MIS18A: variants seen among roughly 807,000 people sequenced by gnomAD.
The protein encoded by MIS18A is protein Mis18-alpha.
A neutral mutation model predicts 25.0 loss-of-function variants in MIS18A; 14 were observed. The ratio of observed to expected loss-of-function variants is 0.56; its 90% CI spans 0.37 to 0.88. The LOEUF (loss-of-function observed/expected upper bound fraction) is 0.88. Ranked by LOEUF, MIS18A falls within the 40% of genes least tolerant of loss-of-function variation. MIS18A has a pLI of 0.00. For missense variants in MIS18A, 292 were observed against 290.8 expected (o/e 1.00, Z -0.03); for synonymous variants, 134 against 118.6 (o/e 1.13, Z -0.84).
chr21:32,198,922 G>A, the MIS18A span, among the ~76,000 whole-genome samples: 5 of 149,878 alleles, frequency 3.3e-5, no homozygotes, highest in Non-Finnish European at 4.5e-5. Context: ...AAAAAAAAAA[G>A]AAAGAAAGAA....
rs759191645 is a variant in MIS18A at position 32,278,992 on chromosome 21, C to T, written c.23G>A (p.Arg8Lys). 19 of 1,603,008 alleles carry T rather than the reference C, an allele frequency of 1.2e-5. No homozygotes were observed. Among genetic ancestry groups the T allele is most frequent in the Non-Finnish European group, 1.5e-5 (18 of 1,174,796 alleles). ...GCCGCCAGCGCATCCTCTGCTACAC[C>T]TCAGTGACCGAACGCCTGCCATTAC... MAGVRSL[R>K]CSRGCAGGCE... is the part of the protein sequence containing the mutation. The change falls in exon 1 of 5, where the codon AGG (arginine) becomes AAG (lysine). Residue 8 changes from arginine (R) to lysine (K), a missense_variant. Transcript: ENST00000290130.
At chr21:32,270,795 A>G (rs765874311) in intron 2 of MIS18A, among the ~76,000 whole-genome samples, 2 of 152,226 alleles carry the variant, frequency 1.3e-5, no homozygotes, top group African/African-American at 2.4e-5. Context: ...TCTAGAATAT[A>G]AATTCCTCCA....
intron 2 of MIS18A, among the ~76,000 whole-genome samples, chr21:32,271,184 C>A (rs143411771): frequency 3.7e-4 from 57 of 152,278 alleles, no homozygotes; most frequent in Non-Finnish European, 5.9e-5. Flanking sequence ...GTCTCCCAAA[C>A]GCCTTGTTGA....
the MIS18A span, among the ~76,000 whole-genome samples, chr21:32,219,068 A>T: frequency 1.9e-5 from 2 of 107,004 alleles, no homozygotes; most frequent in African/African-American, 1.1e-4. Flanking sequence ...ACTCTGTCTC[A>T]AAAAAAAAAA....
chr21:32,206,054 C>T, the MIS18A span, among the ~76,000 whole-genome samples: 2 of 152,176 alleles, frequency 1.3e-5, no homozygotes, highest in East Asian at 1.9e-4. Context: ...GTGGTCCCCC[C>T]ATCCACTGTA....
chr21:32,252,875 G>A, the MIS18A span, among the ~76,000 whole-genome samples: 81 of 152,262 alleles, frequency 5.3e-4, no homozygotes, highest in Non-Finnish European at 9.9e-4. Flanking sequence ...TTTCTGCATC[G>A]TTGGCAGACA....
chr21:32,262,590 C>A, the MIS18A span, among the ~76,000 whole-genome samples: 1 of 150,130 alleles, frequency 6.7e-6, no homozygotes, highest in South Asian at 2.1e-4. Context: ...GGTCTCACTT[C>A]CCCCCTTTCA....
At chr21:32,245,061 T>C in the MIS18A span, among the ~76,000 whole-genome samples, 1 of 152,194 alleles carries the variant, frequency 6.6e-6, no homozygotes, top group Non-Finnish European at 1.5e-5. Flanking sequence ...AATTGTTAGT[T>C]CCATAATGCA....
intron 1 of MIS18A, 95 bp from the exon 2 acceptor site, chr21:32,274,991 A>G (rs371834802): frequency 1.3e-5 from 13 of 1,037,352 alleles, no homozygotes; most frequent in Middle Eastern, 2.2e-4. Flanking sequence ...TAGAACTCGG[A>G]GGACAAAAAA....
the MIS18A span, among the ~76,000 whole-genome samples, chr21:32,168,822 G>A: frequency 6.6e-6 from 1 of 152,062 alleles, no homozygotes; most frequent in Non-Finnish European, 1.5e-5. Flanking sequence ...AGGAAAATAA[G>A]AAATAAGCAG....
At chr21:32,263,891 T>C (rs923765440), downstream of MIS18A, among the ~76,000 whole-genome samples, 1 of 151,812 alleles carries the variant, frequency 6.6e-6, no homozygotes, top group Non-Finnish European at 1.5e-5. Flanking sequence ...ACCAACAGTT[T>C]AATGACCAGC....
chr21:32,267,477 AT>A (rs374542833), downstream of MIS18A, among the ~76,000 whole-genome samples: 7 of 152,358 alleles, frequency 4.6e-5, no homozygotes, highest in South Asian at 1.0e-3. Context: ...GTACCAAGAT[AT>A]TAGAAATTAC....
chr21:32,184,727 C>A, the MIS18A span, among the ~76,000 whole-genome samples: 1 of 152,164 alleles, frequency 6.6e-6, no homozygotes. Context: ...TCCCCGCCCA[C>A]TACAGGTTGG....
rs1348088788 is a variant in MIS18A at position 32,268,689 on chromosome 21, G to C, written c.*348C>G. 1 of 167,092 alleles carries C rather than the reference G, an allele frequency of 6.0e-6. No homozygotes were observed. The highest frequency in any genetic ancestry group is 1.3e-5 in the Non-Finnish European group (1 of 78,226). The allele number at this position is 167,092 out of a possible 1,614,324, so 10.4% of individuals were successfully genotyped here. A position where few individuals can be genotyped will look rare whatever the true frequency, so the allele number is the denominator to read the frequency against. On this transcript the variant is annotated 3_prime_UTR_variant, in exon 5 of 5. Coordinates refer to ENST00000290130, the MANE Select transcript of MIS18A (RefSeq NM_018944.3). Reference sequence around the variant, plus strand: ...TTCTTATCAAAATCAAAACTCCTAAGTCCCAATTCCAACAAGTACCATAAA... The same window carrying C: ...TTCTTATCAAAATCAAAACTCCTAACTCCCAATTCCAACAAGTACCATAAA...
the MIS18A span, among the ~76,000 whole-genome samples, chr21:32,246,768 C>T: frequency 6.6e-6 from 1 of 152,280 alleles, no homozygotes; most frequent in East Asian, 1.9e-4. Context: ...AGCAGCAATC[C>T]CAGCTCTGCC....
At chr21:32,166,527 T>A in the MIS18A span, among the ~76,000 whole-genome samples, 2 of 152,122 alleles carry the variant, frequency 1.3e-5, no homozygotes, top group Non-Finnish European at 2.9e-5. Context: ...CAAAAGGACA[T>A]GACAGCCAAA....
the MIS18A span, among the ~76,000 whole-genome samples, chr21:32,231,341 A>G: frequency 6.6e-6 from 1 of 152,216 alleles, no homozygotes; most frequent in Non-Finnish European, 1.5e-5. Context: ...CTAAAATTCA[A>G]TAATAAAAAG....
chr21:32,247,805 C>T, the MIS18A span, among the ~76,000 whole-genome samples: 3 of 152,212 alleles, frequency 2.0e-5, no homozygotes, highest in Non-Finnish European at 4.4e-5. Context: ...TTCCAAGCTA[C>T]ACGGCTGTGT....
the MIS18A span, among the ~76,000 whole-genome samples, chr21:32,176,197 T>C: frequency 6.6e-6 from 1 of 152,244 alleles, no homozygotes; most frequent in African/African-American, 2.4e-5. Flanking sequence ...CATAAACTAA[T>C]AACATAGTTG....
Sources: allele counts gnomAD v4.1 joint callset (sites outside exome capture counted in the v4.1 genomes callset), GRCh38; gene constraint gnomAD v4.1.1; transcripts MANE v1.5; gene names NCBI Gene and HGNC (gene_info 2026-07-23, HGNC 2026-07-21).